UBXN11: variants seen among roughly 807,000 people sequenced by gnomAD.
UBXN11 encodes UBX domain protein 11, also known as UBX domain-containing protein 11.
In UBXN11, 47 loss-of-function variants were observed where a neutral mutation model predicts 62.8. The observed-to-expected ratio is 0.75, with a 90% CI of 0.59 to 0.95. The LOEUF (loss-of-function observed/expected upper bound fraction) is 0.95, where lower values mean the gene tolerates loss of function less well. Ranked by LOEUF, UBXN11 falls within the 40% of genes least tolerant of loss-of-function variation. UBXN11 has a pLI of 0.00. For missense variants in UBXN11, 638 were observed against 661.7 expected, an observed-to-expected ratio of 0.96 and a Z score of 0.39; for synonymous variants, 294 against 267.0, an observed-to-expected ratio of 1.10 and a Z score of -0.99.
At chr1:26,304,245 C>T (rs1365106718) in intron 1 of UBXN11, among the ~76,000 whole-genome samples, 1 of 152,172 alleles carries the variant, frequency 6.6e-6, no homozygotes, top group Admixed American at 6.5e-5. Flanking sequence ...CCTCAAGGAT[C>T]AGGCCCAGAG....
At chr1:26,295,613 C>T (rs1157260956) in intron 7 of UBXN11, among the ~76,000 whole-genome samples, 1 of 152,182 alleles carries the variant, frequency 6.6e-6, no homozygotes, top group African/African-American at 2.4e-5. Flanking sequence ...CCTTCCCTGT[C>T]TAAGGCCTGG....
intron 7 of UBXN11, among the ~76,000 whole-genome samples, chr1:26,295,259 C>T (rs190493537): frequency 1.3e-5 from 2 of 152,190 alleles, no homozygotes; most frequent in Admixed American, 1.3e-4. Flanking sequence ...GTGGTGCCCC[C>T]TCCAATGCAG....
chr1:26,288,098 G>T (rs2073173599), intron 8 of UBXN11, among the ~76,000 whole-genome samples: 2 of 152,010 alleles, frequency 1.3e-5, no homozygotes, highest in Admixed American at 1.3e-4. Context: ...GTAGAGATGG[G>T]GTCTCGCTGT....
At chr1:26,315,489 A>G (rs2073782836) in intron 1 of UBXN11, among the ~76,000 whole-genome samples, 1 of 152,144 alleles carries the variant, frequency 6.6e-6, no homozygotes, top group Non-Finnish European at 1.5e-5. Flanking sequence ...CACACCAAAG[A>G]CAGCTGAGAA....
At chr1:26,308,006 C>T (rs1220504673), upstream of UBXN11, among the ~76,000 whole-genome samples, 3 of 152,116 alleles carry the variant, frequency 2.0e-5, no homozygotes, top group African/African-American at 7.2e-5. Context: ...GTGGTTCACG[C>T]CTGTAATCCC....
chr1:26,287,747 C>T (rs1339441106), intron 8 of UBXN11, among the ~76,000 whole-genome samples: 2 of 152,172 alleles, frequency 1.3e-5, no homozygotes, highest in African/African-American at 2.4e-5. Flanking sequence ...CCCCCAGCCC[C>T]TCCGGGGGCT....
chr1:26,297,981 G>C lies in UBXN11; in HGVS notation c.281C>G (p.Thr94Ser). 6.2e-7 allele frequency: 1 copy of C among 1,613,936 alleles called. No homozygotes were observed. Among genetic ancestry groups the C allele is most frequent in the Non-Finnish European group, 8.5e-7 (1 of 1,179,958 alleles). ...CCCCACCTTGGACAGTATCTCATCA[G>C]TCTGGGCCTTCACCTGCTGCTCCAG... ...WDLEQQVKAQ[T>S]DEILSKDQKI... The change falls in exon 5 of 15, where the codon ACT becomes AGT. Residue 94 changes from threonine (T) to serine (S), a missense_variant. Physicochemically the swap from Thr to Ser is moderately conservative, Grantham distance 58. Coordinates refer to ENST00000374222, the MANE Select transcript of UBXN11 (RefSeq NM_001389556.1).
chr1:26,282,333 C>CCAGGACTGAA lies in UBXN11; in HGVS notation c.1528_1529insTTCAGTCCTG (p.Ser510IlefsTer?). The CCAGGACTGAA allele has an allele frequency of 5.4e-6, 4 of 741,748 alleles. No homozygotes were observed. The highest frequency in any genetic ancestry group is 4.9e-5 in the East Asian group (1 of 20,360). 45.9% of individuals were successfully genotyped at this position (741,748 alleles called of 1,614,324 possible). A position where few individuals can be genotyped will look rare whatever the true frequency, so the allele number is the denominator to read the frequency against. On this transcript the variant is annotated frameshift_variant, in exon 15 of 15. Transcript: ENST00000374222. LOFTEE classifies it high-confidence loss of function. ...GCTGGGACTGGGTCCAGGACAGGGA[C>CCAGGACTGAA]TGGGGCCGGGACCGGGACCGGGACT...
chr1:26,285,218 A>G, intron 10 of UBXN11: 1 of 1,302,476 alleles, frequency 7.7e-7, no homozygotes, highest in Admixed American at 3.5e-5. Context: ...GAGGACTAGA[A>G]GGCAGGGGCC....
At chr1:26,287,905 CCT>C (rs2073168198) in intron 8 of UBXN11, among the ~76,000 whole-genome samples, 1 of 56,468 alleles carries the variant, frequency 1.8e-5, no homozygotes, top group South Asian at 3.4e-4. Context: ...CTGCCTCAAC[CCT>C]TTTTTTTTTT....
At chr1:26,312,051 G>T (rs904571796) in intron 1 of UBXN11, among the ~76,000 whole-genome samples, 1 of 151,956 alleles carries the variant, frequency 6.6e-6, no homozygotes, top group Non-Finnish European at 1.5e-5. Flanking sequence ...TCCAGAAACC[G>T]TCATGTTCTC....
chr1:26,283,853 G>C (rs1208923842), intron 12 of UBXN11, among the ~76,000 whole-genome samples: 1 of 152,238 alleles, frequency 6.6e-6, no homozygotes, highest in Non-Finnish European at 1.5e-5. Flanking sequence ...ACCCAGTACT[G>C]AGTTGGATAT....
chr1:26,301,611 G>A (rs1293100210), intron 3 of UBXN11, 83 bp downstream of exon 3: 19 of 1,572,672 alleles, frequency 1.2e-5, no homozygotes, highest in Admixed American at 3.7e-5. Flanking sequence ...GGCCTTTCTC[G>A]TGTGATTTCT....
At chr1:26,292,792 T>C (rs1035866950) in intron 8 of UBXN11, among the ~76,000 whole-genome samples, 6 of 151,672 alleles carry the variant, frequency 4.0e-5, no homozygotes, top group African/African-American at 1.5e-4. Context: ...AGGCAGAGGT[T>C]GCAGTGAGCC....
intron 6 of UBXN11, among the ~76,000 whole-genome samples, 195 bp from the exon 7 acceptor site, chr1:26,297,190 G>C (rs1355523817): frequency 6.6e-6 from 1 of 152,118 alleles, no homozygotes. Context: ...ACTCCCCTCA[G>C]AGCCTCCTCT....
At chr1:26,293,418 T>C (rs2073316972) in intron 8 of UBXN11, among the ~76,000 whole-genome samples, 1 of 152,004 alleles carries the variant, frequency 6.6e-6, no homozygotes, top group Non-Finnish European at 1.5e-5. Flanking sequence ...TCCCTCTAGA[T>C]ATTAGAAGTT....
rs551857760 is a variant in UBXN11, at chr1:26,302,873, G to A, written c.11C>T (p.Pro4Leu). ...TCGGGTCTTGCTAAGGGAGGCCAAA[G>A]GTGAGCTCATAGTTCTACTTCTAGA... MSSPLASLSKTRKV... is the reference protein window; with the variant it reads MSSLLASLSKTRKV... The change falls in exon 2 of 15, where the codon CCT becomes CTT. Residue 4 changes from proline (P) to leucine (L), a missense_variant. By Grantham distance (98) the Pro-to-Leu change is moderately conservative. Coordinates refer to ENST00000374222, the MANE Select transcript of UBXN11 (RefSeq NM_001389556.1). The A allele has an allele frequency of 6.2e-7, 1 of 1,613,902 alleles. No individual in the cohort carries two copies. The highest frequency in any genetic ancestry group is 2.2e-5 in the East Asian group (1 of 44,876).
At chr1:26,309,537 T>C (rs2073718823), upstream of UBXN11, among the ~76,000 whole-genome samples, 1 of 152,156 alleles carries the variant, frequency 6.6e-6, no homozygotes, top group South Asian at 2.1e-4. Flanking sequence ...CGTGCCCTTC[T>C]GGTTTGATTT....
chr1:26,310,204 C>G (rs1277722944), upstream of UBXN11, among the ~76,000 whole-genome samples: 2 of 152,156 alleles, frequency 1.3e-5, no homozygotes, highest in Non-Finnish European at 2.9e-5. Context: ...AGTTCGAGAC[C>G]AGCCTGGCCA....
Sources: gnomAD v4.1 joint callset for allele counts (sites outside exome capture counted in the v4.1 genomes callset) on GRCh38, gnomAD v4.1.1 for gene constraint, MANE v1.5 for transcripts, NCBI Gene and HGNC (gene_info 2026-07-23, HGNC 2026-07-21) for gene names.